Variants in MYH3 observed in about 807,000 individuals in gnomAD.
MYH3 encodes myosin heavy chain 3, also known as myosin-3.
A neutral mutation model predicts 238.0 loss-of-function variants in MYH3; 130 were observed. The ratio of observed to expected loss-of-function variants is 0.55; its 90% CI spans 0.47 to 0.63. The LOEUF (loss-of-function observed/expected upper bound fraction) is 0.63, where lower values mean the gene tolerates loss of function less well. Among genes scored for constraint, MYH3 ranks in the 30% least tolerant of loss-of-function variants. The pLI is 0.00. For missense variants in MYH3, 1,853 were observed against 2,374.9 expected (o/e 0.78, Z 4.57); for synonymous variants, 880 against 924.1 (o/e 0.95, Z 0.86).
At chr17:10,648,213 C>T (rs1053110103) in intron 8 of MYH3, among the ~76,000 whole-genome samples, 43 of 152,072 alleles carry the variant, frequency 2.8e-4, no homozygotes, top group Non-Finnish European at 1.2e-4. Context: ...TGCACCAGGC[C>T]CTCCCCCATG....
chr17:10,664,912 T>C, the MYH3 span, among the ~76,000 whole-genome samples: 1 of 151,948 alleles, frequency 6.6e-6, no homozygotes, highest in Non-Finnish European at 1.5e-5. Context: ...TTAAAAGTAA[T>C]GGATGGGCCT....
At chr17:10,666,854 C>T in the MYH3 span, among the ~76,000 whole-genome samples, 2 of 152,066 alleles carry the variant, frequency 1.3e-5, no homozygotes, top group Admixed American at 1.3e-4. Flanking sequence ...ATAAATAATT[C>T]TTAGAAGTTA....
chr17:10,654,137 T>TTC lies in MYH3; in HGVS notation c.204+722_204+723dup, dbSNP rs2074404575. 7.0e-6 allele frequency among the ~76,000 whole-genome samples: 1 copy of TTC among 142,230 alleles called. No individual in the cohort carries two copies. Among genetic ancestry groups the TTC allele is most frequent in the African/African-American group, 2.6e-5 (1 of 37,986 alleles). 93.3% of individuals were successfully genotyped at this position (142,230 alleles called of 152,430 possible). ...ATTTCCTTTACTTGTCTCTTTTATTTTCTTTCTTTCTTTCTCTTTCTTTCT... is the reference window on the plus strand; with the variant it reads ...ATTTCCTTTACTTGTCTCTTTTATTTTCTCTTTCTTTCTTTCTCTTTCTTTCT... On this transcript the variant is annotated intron_variant, in intron 3 of 40. Coordinates refer to ENST00000583535, the MANE Select transcript of MYH3 (RefSeq NM_002470.4). The surrounding 1 kb of genome is among the most constrained non-coding windows in gnomAD (Gnocchi z 4.5).
rs758765657 is a variant in MYH3, at chr17:10,650,355, C to T, written c.533+19G>A. 2 of 1,607,248 alleles carry T rather than the reference C, an allele frequency of 1.2e-6. No homozygotes were observed. The highest frequency in any genetic ancestry group is 2.2e-5 in the South Asian group (2 of 90,912). On this transcript the variant is annotated intron_variant, in intron 6 of 40. Transcript: ENST00000583535. Reference sequence around the variant, plus strand: ...CCAGTGGCACAGCTATGAAACCACTCTATGCCATGGATACTTACGTGATCA... The same window carrying T: ...CCAGTGGCACAGCTATGAAACCACTTTATGCCATGGATACTTACGTGATCA...
chr17:10,661,673 C>T (rs562363975), upstream of MYH3, among the ~76,000 whole-genome samples: 21 of 152,286 alleles, frequency 1.4e-4, no homozygotes, highest in East Asian at 3.5e-3. Context: ...TTTTCTCCAC[C>T]GCCGCCGTTT....
At position 10,643,038 on chromosome 17, in the gene MYH3, T is replaced by C. The variant is rs377148468; in HGVS notation, c.1411-42A>G. ...ACATTCATGTGAAAAGTTAGACTTC[T>C]TTCAGAATCAAAGACTGTCAACATT... On this transcript the variant is annotated intron_variant, in intron 14 of 40. Transcript: ENST00000583535. The C allele has an allele frequency of 8.1e-5, 130 of 1,614,050 alleles. 3 individuals are homozygous for C. In the East Asian group the frequency reaches 9.8e-4, roughly 12 times the overall value.
At position 10,629,902 on chromosome 17, in the gene MYH3, C is replaced by T. The variant is rs758726114; in HGVS notation, c.5598G>A (p.Gln1866=). The stretch of plus-strand genomic sequence containing the variant: ...TCACTTGCAGTTTATCCACCAGATC[C>T]TGCAATCTCAGCACATTCTTCCTGT... ...EEDRKNVLRL[Q]DLVDKLQVKV... is the part of the protein sequence containing the mutation. Residue 1866 remains glutamine, a synonymous_variant, in exon 39 of 41, where the codon CAG becomes CAA. Transcript: ENST00000583535. 1 of 1,614,190 alleles carries T rather than the reference C, an allele frequency of 6.2e-7. No individual in the cohort carries two copies. Among genetic ancestry groups the T allele is most frequent in the South Asian group, 1.1e-5 (1 of 91,084 alleles).
chr17:10,644,505 C>G lies in MYH3; in HGVS notation c.1261-5G>C, dbSNP rs757023263. 6.2e-6 allele frequency: 10 copies of G among 1,614,066 alleles called. No individual in the cohort carries two copies. The highest frequency in any genetic ancestry group is 5.0e-5 in the Admixed American group (3 of 60,004). On this transcript the variant is annotated splice_region_variant and splice_polypyrimidine_tract_variant and intron_variant, in intron 13 of 40. Coordinates refer to ENST00000583535, the MANE Select transcript of MYH3 (RefSeq NM_002470.4). Reference sequence around the variant, plus strand: ...AGCATTCACAGCATGGTGAACCTATCAGGGGAAAGATCAGCTACTGGATAT... The same window carrying G: ...AGCATTCACAGCATGGTGAACCTATGAGGGGAAAGATCAGCTACTGGATAT...
At chr17:10,673,510 G>A in the MYH3 span, 1 of 152,196 alleles carries the variant, frequency 6.6e-6, no homozygotes, top group East Asian at 1.9e-4. Context: ...TCTCCGTTAG[G>A]AATGGAATGT....
the MYH3 span, among the ~76,000 whole-genome samples, chr17:10,669,879 C>T: frequency 6.6e-6 from 1 of 152,138 alleles, no homozygotes; most frequent in African/African-American, 2.4e-5. Context: ...CCACTGCACT[C>T]CAGCCTGGGT....
rs148436304 is a variant in MYH3 at position 10,651,660 on chromosome 17, T to C, written c.357A>G (p.Ser119=). 6.2e-7 allele frequency: 1 copy of C among 1,613,976 alleles called. No individual in the cohort carries two copies. Among genetic ancestry groups the C allele is most frequent in the Non-Finnish European group, 8.5e-7 (1 of 1,179,968 alleles). Residue 119 remains serine (S), a synonymous_variant, in exon 5 of 41, where the codon TCA becomes TCG. Coordinates refer to ENST00000583535, the MANE Select transcript of MYH3 (RefSeq NM_002470.4). ...RYTSWMIYTY[S]GLFCVTVNPY... ...GGTTGACAGTGACACAGAAGAGGCCTGAGTAGGTCTGTGGGAGGAAAAACA... is the reference window on the plus strand; with the variant it reads ...GGTTGACAGTGACACAGAAGAGGCCCGAGTAGGTCTGTGGGAGGAAAAACA...
At chr17:10,648,492 G>GCA in intron 8 of MYH3, 65 bp downstream of exon 8, 1 of 1,335,940 alleles carries the variant, frequency 7.5e-7, no homozygotes, top group Non-Finnish European at 1.1e-6. Flanking sequence ...ACTCTTTGAG[G>GCA]ACAGGGCTCT....
intron 5 of MYH3, 90 bp from the exon 6 acceptor site, chr17:10,650,491 G>T (rs2074364479): frequency 1.7e-6 from 2 of 1,175,028 alleles, no homozygotes; most frequent in African/African-American, 1.5e-5. Flanking sequence ...GAGTTAAATT[G>T]CACAATTCCT....
intron 2 of MYH3, among the ~76,000 whole-genome samples, chr17:10,655,382 G>A (rs1353967288): frequency 6.6e-6 from 1 of 152,214 alleles, no homozygotes; most frequent in Non-Finnish European, 1.5e-5. Flanking sequence ...CACCACTCTT[G>A]GGACCGCCTT....
intron 26 of MYH3, 101 bp from the exon 27 acceptor site, chr17:10,638,533 CT>C: frequency 6.8e-7 from 1 of 1,473,744 alleles, no homozygotes; most frequent in Non-Finnish European, 9.2e-7. Context: ...CAAACTGAGT[CT>C]TAGACTCCCC....
At chr17:10,649,381 C>T (rs374585691) in intron 7 of MYH3, among the ~76,000 whole-genome samples, 196 bp downstream of exon 7, 6 of 152,202 alleles carry the variant, frequency 3.9e-5, no homozygotes, top group Admixed American at 3.9e-4. Flanking sequence ...TCTAAGAAAT[C>T]CCGGGATCTA....
At chr17:10,670,527 T>C in the MYH3 span, among the ~76,000 whole-genome samples, 1 of 152,186 alleles carries the variant, frequency 6.6e-6, no homozygotes, top group African/African-American at 2.4e-5. This position sits in a 1 kb window ranked among gnomAD's most constrained non-coding sequence, Gnocchi z 7.0. Context: ...CAGGCTTGTT[T>C]TGAACTCTGG....
the MYH3 span, among the ~76,000 whole-genome samples, chr17:10,668,760 G>A: frequency 1.3e-5 from 2 of 152,164 alleles, no homozygotes; most frequent in African/African-American, 4.8e-5. Context: ...AAATAAAGGA[G>A]TTTACATCAG....
At chr17:10,648,344 A>C (rs914054665) in intron 8 of MYH3, among the ~76,000 whole-genome samples, 2 of 151,488 alleles carry the variant, frequency 1.3e-5, no homozygotes, top group African/African-American at 4.9e-5. Flanking sequence ...TTCCCTGCCC[A>C]CCCTGCCTAA....
Sources: allele counts gnomAD v4.1 joint callset (sites outside exome capture counted in the v4.1 genomes callset), GRCh38; gene constraint gnomAD v4.1.1; non-coding constraint Gnocchi (gnomAD v3.1); transcripts MANE v1.5; gene names NCBI Gene and HGNC (gene_info 2026-07-23, HGNC 2026-07-21).